APP: variants seen among roughly 807,000 people sequenced by gnomAD.
The protein encoded by APP is amyloid-beta precursor protein.
Under a neutral mutation model 101.4 loss-of-function variants are expected in APP, and 31 were observed. The observed-to-expected ratio is 0.31, with a 90% CI of 0.23 to 0.41. APP has a LOEUF of 0.41. APP is among the 10% of genes least tolerant of loss of function. APP has a pLI of 1.00. For missense variants in APP, 839 were observed against 1,003.7 expected (o/e 0.84, Z 2.22); for synonymous variants, 366 against 364.4 (o/e 1.00, Z -0.05).
In APP at chr21:25,881,494, T is replaced by C. The variant is rs2036979941; in HGVS notation, c.*176A>G. 3 of 704,044 alleles carry C rather than the reference T, an allele frequency of 4.3e-6. No individual in the cohort carries two copies. In the Admixed American group the frequency reaches 6.2e-5, roughly 15 times the overall value. 43.6% of individuals were successfully genotyped at this position (704,044 alleles called of 1,614,324 possible). ...AGAGAGATAGAATACATTACTGATG[T>C]GTGGATTAATTCAAGTTCAGGCATC... is the stretch of plus-strand genomic sequence containing the variant. On this transcript the variant is annotated 3_prime_UTR_variant, in exon 18 of 18. Transcript: ENST00000346798.
intron 1 of APP, among the ~76,000 whole-genome samples, chr21:26,151,032 G>A (rs2063258634): frequency 6.6e-6 from 1 of 152,148 alleles, no homozygotes; most frequent in Non-Finnish European, 1.5e-5. Context: ...CTGGCTGAAT[G>A]GACTCCACGA....
rs934128478 is a variant in APP, at chr21:26,123,193, G to A, written c.58-11047C>T. Among the ~76,000 whole-genome samples, 3 of 152,102 alleles carry A rather than the reference G, an allele frequency of 2.0e-5. No individual in the cohort carries two copies. In the East Asian group the frequency reaches 5.8e-4, roughly 29 times the overall value. ...AAGGATATTTACATTATATCGTCTG[G>A]TTTATTTCCTTTCAAAGTGTCATAA... On this transcript the variant is annotated intron_variant, in intron 1 of 17. Transcript: ENST00000346798.
At chr21:26,006,817 A>G (rs2043550871) in intron 6 of APP, among the ~76,000 whole-genome samples, 2 of 152,212 alleles carry the variant, frequency 1.3e-5, no homozygotes, top group Non-Finnish European at 2.9e-5. Context: ...AAGTTAACAG[A>G]TTAGCAAATA....
At chr21:25,960,913 T>C (rs536286461) in intron 11 of APP, among the ~76,000 whole-genome samples, 113 of 152,290 alleles carry the variant, frequency 7.4e-4, no homozygotes, top group Non-Finnish European at 1.1e-3. Flanking sequence ...AAAATCAGAT[T>C]ACCTTCTTTG....
chr21:26,004,878 C>T (rs535648554), intron 6 of APP, among the ~76,000 whole-genome samples: 3 of 140,494 alleles, frequency 2.1e-5, no homozygotes, highest in South Asian at 2.4e-4. Context: ...GTTCAATTTC[C>T]ACCTATGAGT....
chr21:25,988,702 CAAAAA>C (rs537417600), intron 8 of APP, among the ~76,000 whole-genome samples: 11 of 62,360 alleles, frequency 1.8e-4, no homozygotes, highest in African/African-American at 3.8e-4. Context: ...AACTCTGTCT[CAAAAA>C]AAAAAAAAAA....
chr21:25,941,625 T>C (rs2040582236), intron 13 of APP: 1 of 152,300 alleles, frequency 6.6e-6, no homozygotes, highest in South Asian at 2.1e-4. Context: ...TATAGGCATG[T>C]GCCGCCATGC....
intron 5 of APP, among the ~76,000 whole-genome samples, chr21:26,040,698 T>G (rs570407858): frequency 1.3e-5 from 2 of 149,320 alleles, no homozygotes; most frequent in South Asian, 2.1e-4. Context: ...GGAGGGGAGG[T>G]TGCAGTGAGC....
At chr21:26,067,703 T>C (rs1601377876) in intron 3 of APP, among the ~76,000 whole-genome samples, 1 of 152,222 alleles carries the variant, frequency 6.6e-6, no homozygotes, top group East Asian at 1.9e-4. Context: ...ATTGTATTTA[T>C]AGGTGTGTGA....
intron 4 of APP, among the ~76,000 whole-genome samples, chr21:26,052,164 G>A (rs2045863717): frequency 6.6e-6 from 1 of 152,142 alleles, no homozygotes; most frequent in Non-Finnish European, 1.5e-5. Context: ...ATAAAGCTAT[G>A]ATACAATGGT....
At chr21:25,992,010 A>C (rs2042885236) in intron 8 of APP, among the ~76,000 whole-genome samples, 2 of 152,244 alleles carry the variant, frequency 1.3e-5, no homozygotes, top group Non-Finnish European at 2.9e-5. Context: ...ACATGACATC[A>C]TGGTGGCTGG....
intron 2 of APP, among the ~76,000 whole-genome samples, chr21:26,105,660 C>A (rs2062166982): frequency 1.3e-5 from 2 of 152,076 alleles, no homozygotes; most frequent in Non-Finnish European, 2.9e-5. Context: ...GCAGGAAGAT[C>A]CTGAAATATC....
At chr21:26,049,248 AAT>A (rs1239481726) in intron 5 of APP, among the ~76,000 whole-genome samples, 4 of 152,190 alleles carry the variant, frequency 2.6e-5, no homozygotes, top group Admixed American at 6.5e-5. Context: ...AGCAGAACAT[AAT>A]CATAAAAGGG....
At chr21:26,135,231 C>G (rs1237929708) in intron 1 of APP, among the ~76,000 whole-genome samples, 1 of 152,176 alleles carries the variant, frequency 6.6e-6, no homozygotes, top group African/African-American at 2.4e-5. Flanking sequence ...GAAGGTAAAG[C>G]TGGCTAACAT....
chr21:26,082,167 C>T (rs1425179882), intron 3 of APP, among the ~76,000 whole-genome samples: 4 of 151,902 alleles, frequency 2.6e-5, no homozygotes, highest in East Asian at 1.9e-4. Context: ...TGCAGTGAGC[C>T]GAGATCACGC....
intron 2 of APP, among the ~76,000 whole-genome samples, chr21:26,100,745 T>C (rs980077130): frequency 2.6e-5 from 4 of 152,220 alleles, no homozygotes; most frequent in African/African-American, 4.8e-5. Context: ...TGTTAATCTA[T>C]AGATTAAGCA....
chr21:26,048,042 C>A (rs572248843), intron 5 of APP, among the ~76,000 whole-genome samples: 2 of 152,156 alleles, frequency 1.3e-5, no homozygotes, highest in African/African-American at 2.4e-5. Context: ...TAAGGCCAGG[C>A]ACGGTGGCTC....
intron 1 of APP, among the ~76,000 whole-genome samples, chr21:26,138,169 G>A (rs1405877391): frequency 1.3e-5 from 2 of 152,182 alleles, no homozygotes; most frequent in African/African-American, 2.4e-5. Flanking sequence ...AAAATGATAT[G>A]ATACCTGAGA....
rs1023419099 is a variant in APP, at chr21:26,094,608, TATAA to T, written c.226-4540_226-4537del. On this transcript the variant is annotated intron_variant, in intron 2 of 17. Coordinates refer to ENST00000346798, the MANE Select transcript of APP (RefSeq NM_000484.4). ...TAAATATATAGCTCATTTATAAAGA[TATAA>T]ATATAGTTCATTTATATTTAAAGAT... 4.2e-4 allele frequency among the ~76,000 whole-genome samples: 62 copies of T among 149,126 alleles called. No homozygotes were observed. In the East Asian group the frequency reaches 0.011, roughly 27 times the overall value.
Sources: allele counts gnomAD v4.1 joint callset (sites outside exome capture counted in the v4.1 genomes callset), GRCh38; gene constraint gnomAD v4.1.1; transcripts MANE v1.5; gene names NCBI Gene and HGNC (gene_info 2026-07-23, HGNC 2026-07-21).